Variants in DMRT1 observed in about 807,000 individuals in gnomAD.
The protein encoded by DMRT1 is doublesex- and mab-3-related transcription factor 1.
Under a neutral mutation model 32.3 loss-of-function variants are expected in DMRT1, and 7 were observed. The observed-to-expected ratio is 0.22, with a 90% CI of 0.12 to 0.41. DMRT1 has a LOEUF of 0.41. Among genes scored for constraint, DMRT1 ranks in the 10% least tolerant of loss-of-function variants. The pLI, the probability that DMRT1 is intolerant of heterozygous loss-of-function variation, is 1.00. For missense variants in DMRT1, 625 were observed against 500.5 expected, an observed-to-expected ratio of 1.25 and a Z score of -2.37; for synonymous variants, 278 against 206.1, an observed-to-expected ratio of 1.35 and a Z score of -2.99.
chr9:954,695 G>T (rs1291274488), intron 4 of DMRT1, among the ~76,000 whole-genome samples: 1 of 152,072 alleles, frequency 6.6e-6, no homozygotes, highest in Non-Finnish European at 1.5e-5. Context: ...AAGCTGGAGT[G>T]CAGTAGTACG....
At chr9:845,059 C>G (rs765066496) in intron 1 of DMRT1, among the ~76,000 whole-genome samples, 39 of 152,096 alleles carry the variant, frequency 2.6e-4, no homozygotes, top group African/African-American at 4.3e-4. Flanking sequence ...TTGATTTCAC[C>G]TTTGGCTTAT....
At chr9:962,664 A>C (rs1037780678) in intron 4 of DMRT1, among the ~76,000 whole-genome samples, 1 of 152,002 alleles carries the variant, frequency 6.6e-6, no homozygotes, top group Non-Finnish European at 1.5e-5. Flanking sequence ...GCCGTGAGCT[A>C]ATTTTGCTTG....
In DMRT1 at chr9:961,233, G is replaced by T. The variant is rs540653612; in HGVS notation, c.968-6752G>T. 3.3e-5 allele frequency among the ~76,000 whole-genome samples: 5 copies of T among 152,266 alleles called. No individual in the cohort carries two copies. The South Asian group carries it at 1.0e-3, about 32-fold the overall frequency. ...TTCCCTTTAGTAACAACATCCTGCA[G>T]CAAACCCACACACTGGGTAACTCTT... On this transcript the variant is annotated intron_variant, in intron 4 of 4. Coordinates refer to ENST00000382276, the MANE Select transcript of DMRT1 (RefSeq NM_021951.3).
chr9:881,117 C>A (rs905189885), intron 2 of DMRT1, among the ~76,000 whole-genome samples: 4 of 152,072 alleles, frequency 2.6e-5, no homozygotes, highest in African/African-American at 4.8e-5. Flanking sequence ...AGACCCCCCC[C>A]ACCTCCTCCT....
At chr9:891,156 A>G (rs1817133071) in intron 2 of DMRT1, among the ~76,000 whole-genome samples, 1 of 151,754 alleles carries the variant, frequency 6.6e-6, no homozygotes, top group Non-Finnish European at 1.5e-5. Context: ...CCTGGGCAAC[A>G]TAGTGAGACC....
intron 3 of DMRT1, among the ~76,000 whole-genome samples, chr9:898,648 A>G (rs1012073279): frequency 6.6e-6 from 1 of 151,900 alleles, no homozygotes; most frequent in Non-Finnish European, 1.5e-5. Context: ...CTTGGAGAGC[A>G]CCTGTGCTGT....
intron 3 of DMRT1, among the ~76,000 whole-genome samples, chr9:900,040 G>A (rs1028776293): frequency 6.6e-6 from 1 of 152,222 alleles, no homozygotes; most frequent in African/African-American, 2.4e-5. Flanking sequence ...GTCTTAACAT[G>A]CTTCCAGAGC....
intron 2 of DMRT1, among the ~76,000 whole-genome samples, chr9:882,760 CTTTTTTTTT>C (rs1010078425): frequency 1.7e-5 from 2 of 118,350 alleles, no homozygotes; most frequent in East Asian, 2.5e-4. Context: ...TCCCCTGAAT[CTTTTTTTTT>C]TTTTTTTTTT....
chr9:933,332 A>C (rs1274992406), intron 4 of DMRT1, among the ~76,000 whole-genome samples: 3 of 152,174 alleles, frequency 2.0e-5, no homozygotes, highest in African/African-American at 7.2e-5. Flanking sequence ...AGGCTTCTAC[A>C]TCCTTAGCAC....
chr9:917,304 G>A (rs959118893), intron 4 of DMRT1, among the ~76,000 whole-genome samples: 2 of 152,140 alleles, frequency 1.3e-5, no homozygotes, highest in African/African-American at 2.4e-5. Context: ...AATTGAAGGC[G>A]TATTCATCTT....
chr9:855,827 T>C (rs1034280343), intron 2 of DMRT1, among the ~76,000 whole-genome samples: 2 of 152,182 alleles, frequency 1.3e-5, no homozygotes, highest in African/African-American at 4.8e-5. Context: ...CTGTGTTGCC[T>C]AGGCTGGTCT....
At chr9:893,860 C>T (rs1817244875) in intron 2 of DMRT1, 52 bp from the exon 3 acceptor site, 6 of 1,558,998 alleles carry the variant, frequency 3.8e-6, no homozygotes, top group Non-Finnish European at 4.4e-6. Context: ...AGTAAAGTTT[C>T]GTGGACTAAC....
intron 3 of DMRT1, among the ~76,000 whole-genome samples, chr9:915,245 G>A (rs1818132622): frequency 6.6e-6 from 1 of 152,148 alleles, no homozygotes; most frequent in Non-Finnish European, 1.5e-5. Flanking sequence ...ATCATGAGTT[G>A]AATGCTCGGT....
At chr9:894,280 C>A in intron 3 of DMRT1, 85 bp downstream of exon 3, 1 of 1,449,646 alleles carries the variant, frequency 6.9e-7, no homozygotes, top group Non-Finnish European at 9.6e-7. Context: ...CACAGAGGCA[C>A]ACACGCACTT....
intron 4 of DMRT1, among the ~76,000 whole-genome samples, chr9:954,230 A>T (rs956377318): frequency 2.0e-5 from 3 of 152,160 alleles, no homozygotes; most frequent in Admixed American, 2.0e-4. Context: ...GAAACCACCA[A>T]AGGTGTTTAT....
At chr9:872,364 A>C (rs6477321) in intron 2 of DMRT1, among the ~76,000 whole-genome samples, 1 of 152,210 alleles carries the variant, frequency 6.6e-6, no homozygotes, top group East Asian at 1.9e-4. Flanking sequence ...CCCGGCCAAA[A>C]CTCACTATCT....
At chr9:902,324 C>T (rs1344552955) in intron 3 of DMRT1, among the ~76,000 whole-genome samples, 7 of 151,464 alleles carry the variant, frequency 4.6e-5, no homozygotes, top group Admixed American at 2.6e-4. Context: ...CTCCTTCCTA[C>T]ACCCCCTCCT....
At chr9:951,491 A>G (rs1819426180) in intron 4 of DMRT1, among the ~76,000 whole-genome samples, 1 of 152,228 alleles carries the variant, frequency 6.6e-6, no homozygotes, top group African/African-American at 2.4e-5. Flanking sequence ...ACTGAATGGT[A>G]CAGATGACAC....
rs543144693 is a variant in DMRT1, at chr9:897,465, A to G, written c.822+3270A>G. ...TGATATTGGAATTGAGAGGTAATAT[A>G]CGTATAAAGGAAATGCAATGATCTG... On this transcript the variant is annotated intron_variant, in intron 3 of 4. Coordinates refer to ENST00000382276, the MANE Select transcript of DMRT1 (RefSeq NM_021951.3). Among the ~76,000 whole-genome samples the G allele has an allele frequency of 2.4e-3, 358 of 152,010 alleles. 2 individuals carry two copies. Among genetic ancestry groups the G allele is most frequent in the African/African-American group, 7.5e-3 (311 of 41,462 alleles).
Sources: gnomAD v4.1 joint callset for allele counts (sites outside exome capture counted in the v4.1 genomes callset) on GRCh38, gnomAD v4.1.1 for gene constraint, MANE v1.5 for transcripts, NCBI Gene and HGNC (gene_info 2026-07-23, HGNC 2026-07-21) for gene names.